ZFC3H1: variants seen among roughly 807,000 people sequenced by gnomAD.
ZFC3H1 encodes the protein zinc finger C3H1 domain-containing protein.
In ZFC3H1, 71 loss-of-function variants were observed where a neutral mutation model predicts 243.7. The ratio of observed to expected loss-of-function variants is 0.29; its 90% CI spans 0.24 to 0.36. The LOEUF is 0.36. ZFC3H1 is among the 10% of genes least tolerant of loss of function. The pLI is 1.00. For missense variants in ZFC3H1, 1,966 were observed against 2,317.1 expected, an observed-to-expected ratio of 0.85 and a Z score of 3.11; for synonymous variants, 838 against 813.0, an observed-to-expected ratio of 1.03 and a Z score of -0.52.
In ZFC3H1 at chr12:71,628,928, T is replaced by C. The variant is rs193064257; in HGVS notation, c.3936A>G (p.Pro1312=). ...TACATAACTTCTTACCATACTTAAT[T>C]GGTCCTGTAGACTGTTCCTCATCAC... The part of the protein sequence containing the change: ...FSSDEEQSTG[P]IKYAFQPENQ... The change falls in exon 20 of 35, where the codon CCA becomes CCG. Residue 1312 remains proline, a synonymous_variant. Transcript: ENST00000378743. 4,928 of 1,592,204 alleles carry C rather than the reference T, an allele frequency of 3.1e-3. 20 individuals carry two copies. Among genetic ancestry groups the C allele is most frequent in the African/African-American group, 0.018 (1,327 of 73,518 alleles).
chr12:71,663,661 C>T lies in ZFC3H1; in HGVS notation c.-51G>A. 1 of 1,562,532 alleles carries T rather than the reference C, an allele frequency of 6.4e-7. No individual in the cohort carries two copies. Among genetic ancestry groups the T allele is most frequent in the Non-Finnish European group, 8.7e-7 (1 of 1,154,942 alleles). Reference sequence around the variant, plus strand: ...CCTTAGCCCTCCGTCCGGGGATCCGCCCGACAATTGCCTCGTTTCCCTTCT... The same window carrying T: ...CCTTAGCCCTCCGTCCGGGGATCCGTCCGACAATTGCCTCGTTTCCCTTCT... On this transcript the variant is annotated 5_prime_UTR_variant, in exon 1 of 35. Coordinates refer to ENST00000378743, the MANE Select transcript of ZFC3H1 (RefSeq NM_144982.5).
At chr12:71,657,687 G>A (rs890437540) in intron 1 of ZFC3H1, among the ~76,000 whole-genome samples, 7 of 152,014 alleles carry the variant, frequency 4.6e-5, no homozygotes, top group Non-Finnish European at 1.0e-4. Flanking sequence ...TCACAGATGC[G>A]GATAGTTTAC....
rs906600174 is a variant in ZFC3H1, at chr12:71,636,024, A to C, written c.2101-444T>G. Among the ~76,000 whole-genome samples the C allele has an allele frequency of 3.3e-5, 5 of 152,192 alleles. No individual in the cohort carries two copies. The South Asian group carries it at 8.3e-4, about 25-fold the overall frequency. Reference sequence around the variant, plus strand: ...TTTTACTTTGAAGCCATTACAAAACAAGGTAGAAACAAACTATCATTTCAA... The same window carrying C: ...TTTTACTTTGAAGCCATTACAAAACCAGGTAGAAACAAACTATCATTTCAA... On this transcript the variant is annotated intron_variant, in intron 9 of 34. Coordinates refer to ENST00000378743, the MANE Select transcript of ZFC3H1 (RefSeq NM_144982.5).
rs771709553 is a variant in ZFC3H1, at chr12:71,644,262, TTTG to T, written c.1333_1335del (p.Gln445del). 4 of 1,613,280 alleles carry T rather than the reference TTTG, an allele frequency of 2.5e-6. No homozygotes were observed. The highest frequency in any genetic ancestry group is 4.5e-5 in the East Asian group (2 of 44,828). ...TCTTCTTTCTGTCTTTCCTGCTCTT[TTTG>T]TTGTTGTAGTTTCTTCCATGCCTTT... is the stretch of plus-strand genomic sequence containing the variant. On this transcript the variant is annotated inframe_deletion, in exon 5 of 35. Coordinates refer to ENST00000378743, the MANE Select transcript of ZFC3H1 (RefSeq NM_144982.5).
Position 71,633,028 on chromosome 12 carries a change from T to C in ZFC3H1, c.2686-11A>G, listed in dbSNP as rs376294665. The C allele has an allele frequency of 1.1e-5, 18 of 1,584,480 alleles. No homozygotes were observed. Among genetic ancestry groups the C allele is most frequent in the Admixed American group, 9.8e-5 (5 of 51,126 alleles). The stretch of plus-strand genomic sequence containing the variant: ...TTGAACTCTGTGAATCTGAAAAATA[T>C]AGAATAATCCTGAAAATGTAAATGA... On this transcript the variant is annotated splice_polypyrimidine_tract_variant and intron_variant, in intron 13 of 34. Transcript: ENST00000378743.
intron 10 of ZFC3H1, 35 bp downstream of exon 10, chr12:71,635,408 T>C: frequency 6.5e-7 from 1 of 1,547,778 alleles, no homozygotes; most frequent in Non-Finnish European, 8.6e-7. Context: ...CATCAAAAGG[T>C]CATCTTTCTT....
rs368873345 is a variant in ZFC3H1, at chr12:71,636,630, G to A, written c.1960C>T (p.Pro654Ser). The A allele has an allele frequency of 3.5e-5, 56 of 1,612,172 alleles. No homozygotes were observed. Among genetic ancestry groups the A allele is most frequent in the African/African-American group, 3.3e-4 (25 of 74,838 alleles). The part of the protein sequence containing the change: ...PEETSSNSDP[P>S]SPPVLNNSHP... The stretch of plus-strand genomic sequence containing the variant: ...GAATTGTTCAGAACTGGAGGTGAAG[G>A]TGGGTCACTATTACTGGATGTTTCC... Residue 654 changes from proline to serine, a missense_variant, in exon 9 of 35, where the codon CCT (proline) becomes TCT (serine). This residue lies in a region of ZFC3H1 where 1,383 missense variants were observed against 1,723.7 expected (regional missense o/e 0.80). Coordinates refer to ENST00000378743, the MANE Select transcript of ZFC3H1 (RefSeq NM_144982.5).
intron 19 of ZFC3H1, 47 bp downstream of exon 19, chr12:71,629,562 C>CACACACAT: frequency 1.0e-6 from 1 of 956,004 alleles, no homozygotes. Context: ...ACAGTACACA[C>CACACACAT]ACACACACAC....
rs776598785 is a variant in ZFC3H1 at position 71,644,358 on chromosome 12, A to C, written c.1280-40T>G. On this transcript the variant is annotated intron_variant, in intron 4 of 34. Coordinates refer to ENST00000378743, the MANE Select transcript of ZFC3H1 (RefSeq NM_144982.5). Reference sequence around the variant, plus strand: ...CACATAAACATTAGCATCTGTTAGGAGATAAAAGAAAAATAAGAGTCTTAA... The same window carrying C: ...CACATAAACATTAGCATCTGTTAGGCGATAAAAGAAAAATAAGAGTCTTAA... 3.2e-6 allele frequency: 5 copies of C among 1,568,622 alleles called. No individual in the cohort carries two copies. The East Asian group carries it at 1.1e-4, about 35-fold the overall frequency.
At chr12:71,615,047 T>C (rs1046336556) in intron 28 of ZFC3H1, 109 bp from the exon 29 acceptor site, 2 of 1,180,740 alleles carry the variant, frequency 1.7e-6, no homozygotes, top group Non-Finnish European at 2.5e-6. Flanking sequence ...AATCCTTCTT[T>C]TGACCTTTCT....
chr12:71,662,910 G>C (rs945099888), intron 1 of ZFC3H1, 103 bp downstream of exon 1: 26 of 1,139,742 alleles, frequency 2.3e-5, no homozygotes, highest in Non-Finnish European at 3.0e-5. Flanking sequence ...GGAGAAATAA[G>C]CGGTTCTGAT....
chr12:71,646,756 T>C (rs1397677460), intron 3 of ZFC3H1, among the ~76,000 whole-genome samples: 7 of 152,188 alleles, frequency 4.6e-5, no homozygotes, highest in Admixed American at 1.3e-4. Flanking sequence ...CCAGTGACAC[T>C]TTTGATTACT....
intron 6 of ZFC3H1, among the ~76,000 whole-genome samples, chr12:71,639,948 G>C (rs1176358813): frequency 6.6e-6 from 1 of 152,188 alleles, no homozygotes; most frequent in African/African-American, 2.4e-5. Flanking sequence ...TTATTTTTGA[G>C]ACAGAGTCTC....
intron 13 of ZFC3H1, 108 bp downstream of exon 13, chr12:71,633,156 G>A: frequency 3.6e-6 from 5 of 1,394,700 alleles, no homozygotes; most frequent in Non-Finnish European, 4.8e-6. Context: ...AGAAACTATA[G>A]GTTATGCATA....
chr12:71,640,455 C>T (rs1299332581), intron 6 of ZFC3H1, among the ~76,000 whole-genome samples: 1 of 152,242 alleles, frequency 6.6e-6, no homozygotes, highest in Non-Finnish European at 1.5e-5. Flanking sequence ...GTGGGCCTTG[C>T]CCTGTGCCAG....
intron 27 of ZFC3H1, among the ~76,000 whole-genome samples, chr12:71,618,277 T>C (rs1250279911): frequency 6.9e-6 from 1 of 145,786 alleles, no homozygotes; most frequent in African/African-American, 2.5e-5. Flanking sequence ...TAAAATAAAA[T>C]TAAAAAAAAA....
chr12:71,629,784 G>A, intron 18 of ZFC3H1, 74 bp from the exon 19 acceptor site: 2 of 966,508 alleles, frequency 2.1e-6, no homozygotes, highest in Non-Finnish European at 3.2e-6. Context: ...TGTATGACGT[G>A]AACTAGTTTA....
At chr12:71,640,080 G>A (rs891259159) in intron 6 of ZFC3H1, among the ~76,000 whole-genome samples, 6 of 152,104 alleles carry the variant, frequency 3.9e-5, no homozygotes, top group African/African-American at 7.2e-5. Context: ...AGAGTGCAGT[G>A]GCACCATCTC....
chr12:71,652,902 G>A (rs1409463776), intron 2 of ZFC3H1, among the ~76,000 whole-genome samples: 1 of 151,658 alleles, frequency 6.6e-6, no homozygotes, highest in African/African-American at 2.4e-5. Context: ...ATTCTCTCTG[G>A]GGAATGCATC....
Sources: allele counts gnomAD v4.1 joint callset (sites outside exome capture counted in the v4.1 genomes callset), GRCh38; gene constraint gnomAD v4.1.1; regional missense constraint gnomAD v4.1.1; transcripts MANE v1.5; gene names NCBI Gene and HGNC (gene_info 2026-07-23, HGNC 2026-07-21).